The following PHF10 variants were observed in gnomAD, a reference collection of about 807,000 sequenced individuals.
PHF10 encodes BRG1-associated factor 45a.
PHF10 carries 51 observed loss-of-function variants against 68.5 expected under a neutral mutation model. That is an observed-to-expected ratio of 0.74 (90% CI 0.59 to 0.94). The LOEUF is 0.94. Ranked by LOEUF, PHF10 falls within the 40% of genes least tolerant of loss-of-function variation. The pLI, the probability that PHF10 is intolerant of heterozygous loss-of-function variation, is 0.00. For synonymous variants in PHF10, 204 were observed against 203.5 expected, an observed-to-expected ratio of 1.00 and a Z score of -0.02; for missense variants, 460 against 602.6, an observed-to-expected ratio of 0.76 and a Z score of 2.48.
Position 169,724,260 on chromosome 6 carries a change from C to A in PHF10, c.-329G>T, listed in dbSNP as rs1789268848. Among the ~76,000 whole-genome samples, 1 of 146,760 alleles carries A rather than the reference C, an allele frequency of 6.8e-6. No individual in the cohort carries two copies. Among genetic ancestry groups the A allele is most frequent in the Non-Finnish European group, 1.5e-5 (1 of 65,930 alleles). On this transcript the variant is annotated 5_prime_UTR_variant, in exon 1 of 12. Coordinates refer to ENST00000339209, the MANE Select transcript of PHF10 (RefSeq NM_018288.4). ...TCAGCCCAACCCGCCCGGCCGCGGC[C>A]ACCGCCTCAGCACCGTTGCCCCCCA...
intron 2 of PHF10, 49 bp downstream of exon 2, chr6:169,720,956 C>A (rs1318488135): frequency 2.1e-6 from 2 of 968,848 alleles, no homozygotes; most frequent in Non-Finnish European, 3.2e-6. Context: ...GATGTTAAGG[C>A]AAAGAGGAAC....
intron 9 of PHF10, among the ~76,000 whole-genome samples, chr6:169,705,980 A>T (rs1425159821): frequency 6.6e-6 from 1 of 152,202 alleles, no homozygotes; most frequent in Admixed American, 6.5e-5. Context: ...CCCTACATGC[A>T]CAGTAAGATT....
At chr6:169,718,207 T>A (rs571167172) in intron 3 of PHF10, among the ~76,000 whole-genome samples, 2 of 152,186 alleles carry the variant, frequency 1.3e-5, no homozygotes, top group Non-Finnish European at 2.9e-5. Context: ...GCTAACTCTA[T>A]TCCTTAGATC....
At chr6:169,719,973 C>CA (rs35531685) in intron 2 of PHF10, among the ~76,000 whole-genome samples, 25,211 of 150,540 alleles carry the variant, frequency 0.17, 2,594 homozygotes, top group East Asian at 0.3. Context: ...GCTCCTACAA[C>CA]AAAAAAAACC....
At position 169,716,074 on chromosome 6, in the gene PHF10, G is replaced by T; in HGVS notation, c.424C>A (p.Arg142Ser). The T allele has an allele frequency of 6.3e-7, 1 of 1,594,258 alleles. No individual in the cohort carries two copies. The highest frequency in any genetic ancestry group is 2.2e-5 in the East Asian group (1 of 44,666). Residue 142 changes from arginine (R) to serine (S), a missense_variant, in exon 5 of 12, where the codon CGC becomes AGC. This residue lies in a region of PHF10 where 256 missense variants were observed against 410.5 expected (regional missense o/e 0.62). Transcript: ENST00000339209. ...TQCTLGLTAL[R>S]SDEVIDLMIK... ...ATTAAATCAATCACTTCATCACTGC[G>T]CAATGCTGTTAAGCCTATTTTAGAC... is the stretch of plus-strand genomic sequence containing the variant.
intron 3 of PHF10, 121 bp from the exon 4 acceptor site, chr6:169,718,027 T>C (rs1335411478): frequency 6.2e-6 from 3 of 482,414 alleles, no homozygotes; most frequent in African/African-American, 2.0e-5. Flanking sequence ...CAAATATTAT[T>C]AAAGGGGCTA....
chr6:169,712,345 A>T, intron 8 of PHF10, 41 bp downstream of exon 8: 1 of 1,569,998 alleles, frequency 6.4e-7, no homozygotes, highest in Non-Finnish European at 8.7e-7. Context: ...AAAAATTCAA[A>T]GAGAAAGGAA....
At chr6:169,711,264 CATT>C (rs1339201785) in intron 8 of PHF10, among the ~76,000 whole-genome samples, 4 of 152,170 alleles carry the variant, frequency 2.6e-5, no homozygotes, top group East Asian at 3.9e-4. Context: ...TTTTTAAAAG[CATT>C]ATGTGCATTT....
chr6:169,720,052 G>C (rs1789140867), intron 2 of PHF10, among the ~76,000 whole-genome samples: 1 of 151,874 alleles, frequency 6.6e-6, no homozygotes, highest in Non-Finnish European at 1.5e-5. Context: ...TGGCCAAGCA[G>C]ATGAAAAGAT....
intron 2 of PHF10, among the ~76,000 whole-genome samples, chr6:169,720,561 A>G (rs1329897568): frequency 6.6e-6 from 1 of 152,184 alleles, no homozygotes; most frequent in Non-Finnish European, 1.5e-5. Context: ...AAAAGGACAA[A>G]TATTTTATGG....
intron 7 of PHF10, among the ~76,000 whole-genome samples, chr6:169,714,117 C>CA (rs113850766): frequency 0.03 from 3,615 of 120,902 alleles, 40 homozygotes; most frequent in African/African-American, 0.046. Context: ...AAGACTGTCT[C>CA]AAAAAAAAAA....
At chr6:169,712,305 G>C in intron 8 of PHF10, 81 bp downstream of exon 8, 1 of 1,160,836 alleles carries the variant, frequency 8.6e-7, no homozygotes, top group East Asian at 2.3e-5. Context: ...CTTTTTCAAG[G>C]AGAGGGTGAT....
intron 4 of PHF10, among the ~76,000 whole-genome samples, chr6:169,716,885 G>A (rs1360966845): frequency 6.6e-6 from 1 of 152,040 alleles, no homozygotes; most frequent in Non-Finnish European, 1.5e-5. Context: ...ACTTAGCAAA[G>A]AACCTGCAAC....
intron 9 of PHF10, among the ~76,000 whole-genome samples, chr6:169,706,675 G>A (rs1460315903): frequency 6.7e-6 from 1 of 150,164 alleles, no homozygotes; most frequent in African/African-American, 2.5e-5. Context: ...AAAAAAGGAA[G>A]AGCAAGCATG....
chr6:169,706,055 A>G (rs1788774844), intron 9 of PHF10, among the ~76,000 whole-genome samples: 1 of 152,216 alleles, frequency 6.6e-6, no homozygotes, highest in South Asian at 2.1e-4. Flanking sequence ...GGACAAGAAA[A>G]TCCAAGTAGC....
Position 169,724,418 on chromosome 6 carries a change from GCCTCAGCCCCGCCGCTCC to G in PHF10, c.-505_-488del, listed in dbSNP as rs1348624071. 3.7e-5 allele frequency among the ~76,000 whole-genome samples: 4 copies of G among 109,370 alleles called. No homozygotes were observed. Among genetic ancestry groups the G allele is most frequent in the Non-Finnish European group, 7.4e-5 (4 of 53,772 alleles). The allele number at this position is 109,370 out of a possible 152,430, so 71.8% of individuals were successfully genotyped here. ...GCCGCTCGCCTCAGCCCCGCCGCTC[GCCTCAGCCCCGCCGCTCC>G]CCTCAGCCCCGCGGCCGCCTCAGCC... is the stretch of plus-strand genomic sequence containing the variant. On this transcript the variant is annotated 5_prime_UTR_variant, in exon 1 of 12. Coordinates refer to ENST00000339209, the MANE Select transcript of PHF10 (RefSeq NM_018288.4).
Position 169,724,054 on chromosome 6 carries a change from C to G in PHF10, c.-123G>C, listed in dbSNP as rs899792701. On this transcript the variant is annotated 5_prime_UTR_variant, in exon 1 of 12. Transcript: ENST00000339209. The stretch of plus-strand genomic sequence containing the variant: ...GCCCCCCGCCGCCCCGGCCCCGCCC[C>G]CTCCGCCCGCCCGCCCGGGGGCCGG... 1 of 145,332 alleles carries G rather than the reference C, an allele frequency of 6.9e-6. No individual in the cohort carries two copies. Among genetic ancestry groups the G allele is most frequent in the Non-Finnish European group, 1.5e-5 (1 of 66,972 alleles). 9.0% of individuals were successfully genotyped at this position (145,332 alleles called of 1,614,324 possible).
At position 169,705,159 on chromosome 6, in the gene PHF10, C is replaced by CA; in HGVS notation, c.1384dup (p.Cys462LeufsTer15). On this transcript the variant is annotated frameshift_variant, in exon 11 of 12. Transcript: ENST00000339209. LOFTEE classifies it high-confidence loss of function. ...TGATGGAATAGCACCAAGGCCCACA[C>CA]AAAAAGTATGATAACCTCTGTCACA... 1 of 1,610,172 alleles carries CA rather than the reference C, an allele frequency of 6.2e-7. No homozygotes were observed. The highest frequency in any genetic ancestry group is 2.2e-5 in the East Asian group (1 of 44,832).
chr6:169,710,285 T>C lies in PHF10; in HGVS notation c.1064A>G (p.Lys355Arg). Residue 355 changes from lysine (K) to arginine (R), a missense_variant, in exon 9 of 12, where the codon AAA becomes AGA. By Grantham distance (26) the Lys-to-Arg change is conservative (BLOSUM62 2). Coordinates refer to ENST00000339209, the MANE Select transcript of PHF10 (RefSeq NM_018288.4). ...CAGTACAGAACGTTTGGGACCATCT[T>C]TTCTTGGAGTGGCAGCTTTGTCTTT... ...KSKDKAATPR[K>R]DGPKRSVLSK... 1 of 1,613,204 alleles carries C rather than the reference T, an allele frequency of 6.2e-7. No individual in the cohort carries two copies. Among genetic ancestry groups the C allele is most frequent in the Admixed American group, 1.7e-5 (1 of 60,010 alleles).
Sources: gnomAD v4.1 joint callset for allele counts (sites outside exome capture counted in the v4.1 genomes callset) on GRCh38, gnomAD v4.1.1 for gene constraint, gnomAD v4.1.1 regional missense constraint, MANE v1.5 for transcripts, NCBI Gene and HGNC (gene_info 2026-07-23, HGNC 2026-07-21) for gene names.